Variants in MACROD2 observed in about 807,000 individuals in gnomAD.
MACROD2 encodes the protein mono-ADP ribosylhydrolase 2.
MACROD2 carries 36 observed loss-of-function variants against 70.4 expected under a neutral mutation model. That is an observed-to-expected ratio of 0.51 (90% CI 0.39 to 0.68). The LOEUF is 0.68. Among genes scored for constraint, MACROD2 ranks in the 30% least tolerant of loss-of-function variants. The pLI, the probability that MACROD2 is intolerant of heterozygous loss-of-function variation, is 0.00. For synonymous variants in MACROD2, 172 were observed against 178.8 expected (o/e 0.96, Z 0.30); for missense variants, 496 against 538.4 (o/e 0.92, Z 0.78).
chr20:15,692,039 G>A (rs2050305407), intron 8 of MACROD2, among the ~76,000 whole-genome samples: 1 of 152,172 alleles, frequency 6.6e-6, no homozygotes, highest in Non-Finnish European at 1.5e-5. Flanking sequence ...TTCCTGTGTA[G>A]TTTGGCCACA....
chr20:15,440,061 C>T (rs1435583829), intron 7 of MACROD2, among the ~76,000 whole-genome samples: 1 of 152,138 alleles, frequency 6.6e-6, no homozygotes, highest in African/African-American at 2.4e-5. Flanking sequence ...AGACATAATA[C>T]ATGGCAATGG....
intron 5 of MACROD2, among the ~76,000 whole-genome samples, chr20:15,133,905 CTTTTTT>C (rs11467185): frequency 2.1e-3 from 231 of 111,276 alleles, no homozygotes; most frequent in East Asian, 4.2e-3. Context: ...TTTAAATAAT[CTTTTTT>C]TTTTTTTTTT....
chr20:14,564,609 C>G (rs1979656660), intron 4 of MACROD2, among the ~76,000 whole-genome samples: 1 of 151,984 alleles, frequency 6.6e-6, no homozygotes, highest in Non-Finnish European at 1.5e-5. Flanking sequence ...CTCAACATCA[C>G]TAATCATCAG....
At chr20:14,532,119 T>C (rs1320577033) in intron 4 of MACROD2, among the ~76,000 whole-genome samples, 1 of 152,170 alleles carries the variant, frequency 6.6e-6, no homozygotes, top group Admixed American at 6.5e-5. Flanking sequence ...AACCTGTGCT[T>C]ATGCTGAAGG....
At chr20:16,013,165 C>T (rs1221089851) in intron 15 of MACROD2, among the ~76,000 whole-genome samples, 1 of 107,860 alleles carries the variant, frequency 9.3e-6, no homozygotes, top group Admixed American at 1.0e-4. Flanking sequence ...GGTGACAGAG[C>T]AAGACTCTGT....
intron 5 of MACROD2, among the ~76,000 whole-genome samples, chr20:14,782,449 G>A (rs2072313632): frequency 1.3e-5 from 2 of 151,964 alleles, no homozygotes; most frequent in East Asian, 1.9e-4. Flanking sequence ...TAGATATAAC[G>A]TTCTAACCCC....
intron 3 of MACROD2, among the ~76,000 whole-genome samples, chr20:14,423,523 C>T (rs937351386): frequency 2.0e-5 from 3 of 151,416 alleles, no homozygotes; most frequent in Admixed American, 6.6e-5. Context: ...CACGGTGAAA[C>T]CCCGGCTTTA....
intron 3 of MACROD2, among the ~76,000 whole-genome samples, chr20:14,337,949 T>C (rs2082968076): frequency 6.6e-6 from 1 of 152,212 alleles, no homozygotes; most frequent in Admixed American, 6.5e-5. Context: ...AGACAGGCTT[T>C]GTCTTATTTT....
chr20:15,152,191 G>T (rs1440035416), intron 5 of MACROD2, among the ~76,000 whole-genome samples: 3 of 151,978 alleles, frequency 2.0e-5, no homozygotes, highest in Non-Finnish European at 4.4e-5. Flanking sequence ...AGTTTGTATT[G>T]GGGTCAAGCG....
Position 15,811,983 on chromosome 20 carries a change from G to T in MACROD2, c.646-50762G>T, listed in dbSNP as rs561877345. ...GGAGTAATGCTGAGACCTGAGGACA[G>T]GTAGCCAGGAAGGAGCCCACCAGTT... is the stretch of plus-strand genomic sequence containing the variant. On this transcript the variant is annotated intron_variant, in intron 8 of 17. Transcript: ENST00000684519. Among the ~76,000 whole-genome samples, 286 of 152,284 alleles carry T rather than the reference G, an allele frequency of 1.9e-3. 1 individual carries two copies. Among genetic ancestry groups the T allele is most frequent in the Middle Eastern group, 3.4e-3 (1 of 294 alleles).
chr20:14,549,497 G>T (rs1003313120), intron 4 of MACROD2, among the ~76,000 whole-genome samples: 1 of 151,888 alleles, frequency 6.6e-6, no homozygotes, highest in Non-Finnish European at 1.5e-5. Flanking sequence ...TTGCCTTGCT[G>T]TAAAATTGAT....
chr20:14,948,545 TCTAA>T (rs994250586), intron 5 of MACROD2, among the ~76,000 whole-genome samples: 11 of 152,162 alleles, frequency 7.2e-5, no homozygotes, highest in African/African-American at 2.2e-4. Context: ...ATACAGCAAC[TCTAA>T]CTGTTTCCAG....
intron 3 of MACROD2, among the ~76,000 whole-genome samples, chr20:14,238,605 G>A (rs2081899173): frequency 6.6e-6 from 1 of 152,166 alleles, no homozygotes; most frequent in Non-Finnish European, 1.5e-5. Context: ...TTGGAAGAGA[G>A]GATGTCAAAC....
At chr20:15,281,935 C>T (rs543393267) in intron 6 of MACROD2, among the ~76,000 whole-genome samples, 2 of 152,356 alleles carry the variant, frequency 1.3e-5, no homozygotes, top group African/African-American at 4.8e-5. Flanking sequence ...CATTTCCATA[C>T]ACCCTGTGAA....
chr20:15,658,588 A>C (rs1440858422), intron 8 of MACROD2, among the ~76,000 whole-genome samples: 1 of 152,184 alleles, frequency 6.6e-6, no homozygotes, highest in Non-Finnish European at 1.5e-5. Context: ...CCATAGACAG[A>C]CCAGTGGTCA....
chr20:15,279,312 G>A (rs575937775), intron 6 of MACROD2, among the ~76,000 whole-genome samples: 3 of 152,158 alleles, frequency 2.0e-5, no homozygotes, highest in Admixed American at 6.5e-5. Context: ...GAGGCATCTC[G>A]GAGAACACCA....
chr20:14,484,329 T>C (rs932098862), intron 3 of MACROD2, among the ~76,000 whole-genome samples: 1 of 152,050 alleles, frequency 6.6e-6, no homozygotes, highest in Admixed American at 6.6e-5. Flanking sequence ...TGTGTGTGTA[T>C]ATATATAGAA....
At chr20:15,399,664 TGAAA>T (rs1203705185) in intron 6 of MACROD2, among the ~76,000 whole-genome samples, 1 of 152,220 alleles carries the variant, frequency 6.6e-6, no homozygotes, top group Non-Finnish European at 1.5e-5. Context: ...GCATTTTAAG[TGAAA>T]GAAAGAGTAT....
At chr20:14,969,840 A>C (rs544571779) in intron 5 of MACROD2, among the ~76,000 whole-genome samples, 1 of 152,194 alleles carries the variant, frequency 6.6e-6, no homozygotes, top group African/African-American at 2.4e-5. Flanking sequence ...CTGGAAGCAT[A>C]GAATTGCTTT....
Sources: gnomAD v4.1 joint callset for allele counts (sites outside exome capture counted in the v4.1 genomes callset) on GRCh38, gnomAD v4.1.1 for gene constraint, MANE v1.5 for transcripts, NCBI Gene and HGNC (gene_info 2026-07-23, HGNC 2026-07-21) for gene names.